The following WIF1 variants were observed in gnomAD, a reference collection of about 807,000 sequenced individuals.
WIF1 encodes the protein Wnt inhibitory factor 1.
Under a neutral mutation model 53.5 loss-of-function variants are expected in WIF1, and 35 were observed. The ratio of observed to expected loss-of-function variants is 0.65; its 90% CI spans 0.50 to 0.87. WIF1 has a LOEUF of 0.87. Among genes scored for constraint, WIF1 ranks in the 40% least tolerant of loss-of-function variants. The pLI, the probability that WIF1 is intolerant of heterozygous loss-of-function variation, is 0.00. For missense variants in WIF1, 467 were observed against 476.8 expected (o/e 0.98, Z 0.19); for synonymous variants, 171 against 170.4 (o/e 1.00, Z -0.03).
chr12:65,105,883 C>A (rs1040847040), intron 2 of WIF1, among the ~76,000 whole-genome samples: 2 of 152,176 alleles, frequency 1.3e-5, no homozygotes, highest in African/African-American at 4.8e-5. Context: ...TACCAAGTGA[C>A]AAAGTTCAAT....
At position 65,051,306 on chromosome 12, in the gene WIF1, G is replaced by A; in HGVS notation, c.*43C>T. 2 of 1,592,936 alleles carry A rather than the reference G, an allele frequency of 1.3e-6. No homozygotes were observed. Among genetic ancestry groups the A allele is most frequent in the South Asian group, 1.1e-5 (1 of 87,804 alleles). ...TTCAACACATGAAAGGTTAACAAAG[G>A]CTATGAACTTGGTGTAACTTAAAAC... On this transcript the variant is annotated 3_prime_UTR_variant, in exon 10 of 10. Transcript: ENST00000286574.
At chr12:65,073,545 C>A (rs1204401791) in intron 3 of WIF1, among the ~76,000 whole-genome samples, 2 of 152,166 alleles carry the variant, frequency 1.3e-5, no homozygotes, top group African/African-American at 4.8e-5. Flanking sequence ...AGAAGGCAGG[C>A]ACTTCATAAC....
chr12:65,090,559 C>A (rs1592397708), intron 2 of WIF1, among the ~76,000 whole-genome samples: 1 of 152,036 alleles, frequency 6.6e-6, no homozygotes, highest in African/African-American at 2.4e-5. Flanking sequence ...TTTGGCTTAA[C>A]TTGGGGGTCA....
At chr12:65,091,300 T>C (rs1029528653) in intron 2 of WIF1, among the ~76,000 whole-genome samples, 7 of 148,680 alleles carry the variant, frequency 4.7e-5, no homozygotes, top group African/African-American at 1.7e-4. Context: ...CCTAGTATTA[T>C]GCAAGACAAG....
chr12:65,084,990 T>C (rs1261477134), intron 2 of WIF1, among the ~76,000 whole-genome samples: 1 of 152,226 alleles, frequency 6.6e-6, no homozygotes, highest in African/African-American at 2.4e-5. Flanking sequence ...AACTGTTTTA[T>C]GCTTGTTCTG....
intron 2 of WIF1, among the ~76,000 whole-genome samples, chr12:65,102,853 G>C (rs893458317): frequency 2.0e-5 from 3 of 152,116 alleles, no homozygotes; most frequent in Admixed American, 2.0e-4. Context: ...TTTATATTGG[G>C]TGGACAACTA....
chr12:65,079,732 G>C (rs141822412), intron 2 of WIF1, among the ~76,000 whole-genome samples: 461 of 152,048 alleles, frequency 3.0e-3, no homozygotes, highest in African/African-American at 0.011. Context: ...ATGAGAGTTA[G>C]GCAAGTTGAG....
chr12:65,089,182 C>T (rs1011739764), intron 2 of WIF1, among the ~76,000 whole-genome samples: 2 of 152,140 alleles, frequency 1.3e-5, no homozygotes, highest in African/African-American at 4.8e-5. Flanking sequence ...AATGGACAAA[C>T]TCATTATCTT....
chr12:65,090,079 C>T (rs1883100496), intron 2 of WIF1, among the ~76,000 whole-genome samples: 1 of 152,136 alleles, frequency 6.6e-6, no homozygotes, highest in Admixed American at 6.6e-5. Context: ...AACAGAAGTT[C>T]AAGTATACTT....
At chr12:65,113,053 T>C (rs1883456906) in intron 2 of WIF1, among the ~76,000 whole-genome samples, 1 of 152,218 alleles carries the variant, frequency 6.6e-6, no homozygotes, top group Non-Finnish European at 1.5e-5. Flanking sequence ...TTTCTCTTTG[T>C]ATGCTATGCA....
At chr12:65,112,596 A>G (rs1883450662) in intron 2 of WIF1, among the ~76,000 whole-genome samples, 1 of 151,880 alleles carries the variant, frequency 6.6e-6, no homozygotes, top group Admixed American at 6.6e-5. Flanking sequence ...TGTTGAGTTC[A>G]CTCTCTCCAT....
rs1226158152 is a variant in WIF1, at chr12:65,066,726, G to A, written c.645C>T (p.Thr215=). The A allele has an allele frequency of 1.9e-6, 3 of 1,604,732 alleles. No homozygotes were observed. The highest frequency in any genetic ancestry group is 1.1e-5 in the South Asian group (1 of 89,470). The change falls in exon 6 of 10, where the codon ACC becomes ACT. Residue 215 remains threonine, a synonymous_variant. Transcript: ENST00000286574. The stretch of plus-strand genomic sequence containing the variant: ...AAAGTCCACCATTCATACATCGTGG[G>A]GTACAAAGGGCTTATAGGGAGAGAG... ...HGPHCEKALC[T]PRCMNGGLCV...
intron 2 of WIF1, among the ~76,000 whole-genome samples, chr12:65,096,045 GC>G (rs1883199529): frequency 6.6e-6 from 1 of 152,160 alleles, no homozygotes; most frequent in Admixed American, 6.6e-5. Flanking sequence ...AAGAGCTTCT[GC>G]ACAGCAAAAG....
At chr12:65,079,046 T>G (rs1377274059) in intron 2 of WIF1, among the ~76,000 whole-genome samples, 1 of 150,880 alleles carries the variant, frequency 6.6e-6, no homozygotes, top group East Asian at 2.0e-4. Context: ...GTGCTTGTAG[T>G]CCCAGCTACT....
intron 3 of WIF1, among the ~76,000 whole-genome samples, chr12:65,072,576 T>C (rs1472438062): frequency 6.6e-6 from 1 of 152,146 alleles, no homozygotes; most frequent in Non-Finnish European, 1.5e-5. Flanking sequence ...ACCATATACC[T>C]TGTGTGCACA....
intron 2 of WIF1, among the ~76,000 whole-genome samples, chr12:65,081,096 T>C (rs1271782662): frequency 1.3e-5 from 2 of 151,002 alleles, no homozygotes; most frequent in Non-Finnish European, 2.9e-5. Flanking sequence ...AATTTATATC[T>C]TTTCATGAAA....
At chr12:65,051,735 T>C (rs1217692820) in intron 9 of WIF1, among the ~76,000 whole-genome samples, 1 of 152,180 alleles carries the variant, frequency 6.6e-6, no homozygotes, top group Non-Finnish European at 1.5e-5. Flanking sequence ...TCTGGGTGAA[T>C]GTGACTGAAT....
At chr12:65,076,268 C>A (rs1239367581) in intron 3 of WIF1, among the ~76,000 whole-genome samples, 1 of 152,028 alleles carries the variant, frequency 6.6e-6, no homozygotes, top group Non-Finnish European at 1.5e-5. Context: ...AACTCCTGGG[C>A]ACAAGGAATC....
At chr12:65,065,472 A>G (rs1882674098) in intron 6 of WIF1, among the ~76,000 whole-genome samples, 1 of 152,174 alleles carries the variant, frequency 6.6e-6, no homozygotes. Flanking sequence ...TTCAGAGTAA[A>G]ATCACATAAC....
Sources: gnomAD v4.1 joint callset for allele counts (sites outside exome capture counted in the v4.1 genomes callset) on GRCh38, gnomAD v4.1.1 for gene constraint, MANE v1.5 for transcripts, NCBI Gene and HGNC (gene_info 2026-07-23, HGNC 2026-07-21) for gene names.